FAM219A: variants seen among roughly 807,000 people sequenced by gnomAD.
The protein encoded by FAM219A is protein FAM219A.
Under a neutral mutation model 23.4 loss-of-function variants are expected in FAM219A, and 7 were observed. The ratio of observed to expected loss-of-function variants is 0.30; its 90% CI spans 0.17 to 0.56. The LOEUF (loss-of-function observed/expected upper bound fraction) is 0.56, where lower values mean the gene tolerates loss of function less well. Ranked by LOEUF, FAM219A falls within the 20% of genes least tolerant of loss-of-function variation. The pLI, the probability that FAM219A is intolerant of heterozygous loss-of-function variation, is 0.92. For synonymous variants in FAM219A, 93 were observed against 99.0 expected, an observed-to-expected ratio of 0.94 and a Z score of 0.36; for missense variants, 166 against 246.9, an observed-to-expected ratio of 0.67 and a Z score of 2.20.
chr9:34,419,144 A>C (rs1163018527), intron 1 of FAM219A, among the ~76,000 whole-genome samples: 1 of 152,162 alleles, frequency 6.6e-6, no homozygotes, highest in Non-Finnish European at 1.5e-5. Flanking sequence ...TATGTTATGC[A>C]TATTCTAATA....
chr9:34,423,686 AT>A (rs1822359881), intron 1 of FAM219A, among the ~76,000 whole-genome samples: 1 of 152,216 alleles, frequency 6.6e-6, no homozygotes, highest in Non-Finnish European at 1.5e-5. Context: ...GGCAGGAATG[AT>A]TAAACTGGAG....
intron 1 of FAM219A, among the ~76,000 whole-genome samples, chr9:34,407,326 G>T (rs1821673451): frequency 6.6e-6 from 1 of 151,840 alleles, no homozygotes; most frequent in Non-Finnish European, 1.5e-5. Context: ...GCAACATTTT[G>T]GTTGGAGAAA....
At chr9:34,445,236 G>C (rs1171043356) in intron 1 of FAM219A, among the ~76,000 whole-genome samples, 1 of 152,130 alleles carries the variant, frequency 6.6e-6, no homozygotes, top group Non-Finnish European at 1.5e-5. Flanking sequence ...TGTTTCATAA[G>C]AGCAAGTATC....
At chr9:34,434,690 T>C (rs1822838594) in intron 1 of FAM219A, among the ~76,000 whole-genome samples, 2 of 152,244 alleles carry the variant, frequency 1.3e-5, no homozygotes, top group Admixed American at 1.3e-4. Flanking sequence ...TAGTTTTACC[T>C]TGGGGAATGT....
chr9:34,435,846 C>A (rs1044021139), intron 1 of FAM219A, among the ~76,000 whole-genome samples: 1 of 151,846 alleles, frequency 6.6e-6, no homozygotes, highest in Non-Finnish European at 1.5e-5. Context: ...CACTGTATCA[C>A]CCAGGCTGGA....
At chr9:34,448,729 A>C (rs550408452) in intron 1 of FAM219A, among the ~76,000 whole-genome samples, 19 of 152,320 alleles carry the variant, frequency 1.2e-4, no homozygotes, top group African/African-American at 4.3e-4. Flanking sequence ...GCAGAACATA[A>C]AAGCATAGAG....
chr9:34,430,131 G>A (rs1209707960), intron 1 of FAM219A, among the ~76,000 whole-genome samples: 2 of 152,138 alleles, frequency 1.3e-5, no homozygotes, highest in African/African-American at 4.8e-5. Context: ...GCAGCACCTG[G>A]AGGGGATAAG....
At position 34,400,861 on chromosome 9, in the gene FAM219A, C is replaced by CGGG; in HGVS notation, c.*102_*103insCCC. 1 of 1,239,352 alleles carries CGGG rather than the reference C, an allele frequency of 8.1e-7. No homozygotes were observed. The highest frequency in any genetic ancestry group is 1.1e-6 in the Non-Finnish European group (1 of 931,106). The allele number at this position is 1,239,352 out of a possible 1,614,324, so 76.8% of individuals were successfully genotyped here. A position where few individuals can be genotyped will look rare whatever the true frequency, so the allele number is the denominator to read the frequency against. On this transcript the variant is annotated 3_prime_UTR_variant, in exon 6 of 6. Coordinates refer to ENST00000651358, the MANE Select transcript of FAM219A (RefSeq NM_001184940.2). ...TATACGAGGTTGGCGGCTGTAGGGG[C>CGGG]GCGGGGCCGGGGGCAGGCAGACGAG...
intron 1 of FAM219A, among the ~76,000 whole-genome samples, chr9:34,419,065 ACT>A (rs542281544): frequency 6.6e-6 from 1 of 150,970 alleles, no homozygotes; most frequent in South Asian, 2.1e-4. Flanking sequence ...ATAGAGCAAG[ACT>A]CTGTCTCAAA....
intron 1 of FAM219A, among the ~76,000 whole-genome samples, chr9:34,421,333 C>T (rs868577038): frequency 2.0e-5 from 3 of 152,056 alleles, no homozygotes; most frequent in South Asian, 2.1e-4. Flanking sequence ...TAGAGTAACA[C>T]CAACTCAGGG....
chr9:34,436,292 C>A (rs1262330516), intron 1 of FAM219A, among the ~76,000 whole-genome samples: 1 of 151,844 alleles, frequency 6.6e-6, no homozygotes, highest in East Asian at 1.9e-4. Flanking sequence ...GTCACTCAAG[C>A]TGGAGTGTAG....
intron 1 of FAM219A, among the ~76,000 whole-genome samples, chr9:34,427,029 C>A (rs2131974946): frequency 6.6e-6 from 1 of 152,254 alleles, no homozygotes; most frequent in Non-Finnish European, 1.5e-5. Context: ...TCTCCCCAAC[C>A]TCATCTTGTG....
At chr9:34,420,999 T>TGAGAGAGA (rs1822252757) in intron 1 of FAM219A, among the ~76,000 whole-genome samples, 2 of 66,222 alleles carry the variant, frequency 3.0e-5, no homozygotes, top group African/African-American at 1.4e-4. Flanking sequence ...TGTATGTGTG[T>TGAGAGAGA]GTGTGTGTGT....
At chr9:34,423,032 G>A (rs1822336708) in intron 1 of FAM219A, among the ~76,000 whole-genome samples, 1 of 152,160 alleles carries the variant, frequency 6.6e-6, no homozygotes, top group African/African-American at 2.4e-5. Context: ...AGCCCGGCAT[G>A]GTGGCACGTG....
chr9:34,418,690 C>A (rs537831882), intron 1 of FAM219A, among the ~76,000 whole-genome samples: 1 of 152,302 alleles, frequency 6.6e-6, no homozygotes, highest in East Asian at 1.9e-4. Flanking sequence ...CCCTCGCCTC[C>A]CCCATTTCAA....
Position 34,416,808 on chromosome 9 carries a change from A to AT in FAM219A, c.61-10845dup, listed in dbSNP as rs781741211. On this transcript the variant is annotated intron_variant, in intron 1 of 5. Transcript: ENST00000651358. Reference sequence around the variant, plus strand: ...AGTATCAGAACATAATCAGCTCTCCATTTTTTTTTTTTTTTTTTTTTTAAA... The same window carrying AT: ...AGTATCAGAACATAATCAGCTCTCCATTTTTTTTTTTTTTTTTTTTTTTAAA... 7.5e-3 allele frequency among the ~76,000 whole-genome samples: 848 copies of AT among 113,620 alleles called. 8 individuals are homozygous for AT. Among genetic ancestry groups the AT allele is most frequent in the African/African-American group, 0.024 (684 of 29,052 alleles). The allele number at this position is 113,620 out of a possible 152,430, so 74.5% of individuals were successfully genotyped here.
chr9:34,401,202 T>TGC, intron 5 of FAM219A, 80 bp from the exon 6 acceptor site: 3 of 1,522,188 alleles, frequency 2.0e-6, no homozygotes, highest in Non-Finnish European at 2.7e-6. Flanking sequence ...CCAGGCCGTC[T>TGC]GCGCCCCAGT....
Position 34,458,542 on chromosome 9 carries a change from T to G in FAM219A, c.-279A>C, listed in dbSNP as rs755528106. The G allele has an allele frequency of 5.3e-6, 2 of 380,838 alleles. No individual in the cohort carries two copies. The highest frequency in any genetic ancestry group is 4.2e-5 in the Admixed American group (1 of 23,982). The allele number at this position is 380,838 out of a possible 1,614,324, so 23.6% of individuals were successfully genotyped here. On this transcript the variant is annotated 5_prime_UTR_variant, in exon 1 of 6. Transcript: ENST00000651358. This position sits in a 1 kb window ranked among gnomAD's most constrained non-coding sequence, Gnocchi z 6.6. ...CGCCTCCTACTCCGCTGCCGCCTCC[T>G]GTCAGCAGCTCAGCCACTGCGGTGA...
intron 1 of FAM219A, among the ~76,000 whole-genome samples, chr9:34,426,026 T>C (rs1358188963): frequency 6.6e-6 from 1 of 152,180 alleles, no homozygotes; most frequent in African/African-American, 2.4e-5. Context: ...AGGGGAGCAA[T>C]AGTTTGTCTT....
Sources: gnomAD v4.1 joint callset for allele counts (sites outside exome capture counted in the v4.1 genomes callset) on GRCh38, gnomAD v4.1.1 for gene constraint, Gnocchi (gnomAD v3.1) non-coding constraint, MANE v1.5 for transcripts, NCBI Gene and HGNC (gene_info 2026-07-23, HGNC 2026-07-21) for gene names.